The following DRC8 variants were observed in gnomAD, a reference collection of about 807,000 sequenced individuals.
DRC8 encodes the protein dynein regulatory complex subunit 8.
At chr1:245,046,966 C>T in the DRC8 span, among the ~76,000 whole-genome samples, 11 of 152,212 alleles carry the variant, frequency 7.2e-5, no homozygotes, top group African/African-American at 1.9e-4. Flanking sequence ...GCCGCTGCTC[C>T]GTTTTAGAGG....
the DRC8 span, among the ~76,000 whole-genome samples, chr1:245,016,842 A>G: frequency 1.7e-3 from 263 of 152,306 alleles, 10 homozygotes; most frequent in Admixed American, 0.017. Flanking sequence ...GTTGATAAGC[A>G]AACAGTATCT....
At chr1:245,074,966 A>G in the DRC8 span, among the ~76,000 whole-genome samples, 2 of 152,138 alleles carry the variant, frequency 1.3e-5, no homozygotes, top group Admixed American at 1.3e-4. Flanking sequence ...TCACATGTGT[A>G]TCTGATTTGG....
chr1:245,118,880 A>G, the DRC8 span, among the ~76,000 whole-genome samples: 1 of 152,004 alleles, frequency 6.6e-6, no homozygotes, highest in Non-Finnish European at 1.5e-5. Context: ...TTTGATTTCC[A>G]GAAGACATTA....
At chr1:245,074,885 A>G in the DRC8 span, among the ~76,000 whole-genome samples, 1 of 152,214 alleles carries the variant, frequency 6.6e-6, no homozygotes, top group Non-Finnish European at 1.5e-5. Flanking sequence ...ATTTGTATCT[A>G]TACTATTTAG....
the DRC8 span, among the ~76,000 whole-genome samples, chr1:245,074,289 G>A: frequency 3.3e-5 from 5 of 152,310 alleles, no homozygotes; most frequent in South Asian, 1.0e-3. Flanking sequence ...TTTGGTCTGA[G>A]TGGGGTTGAA....
the DRC8 span, among the ~76,000 whole-genome samples, chr1:244,979,416 A>G: frequency 2.2e-5 from 3 of 133,342 alleles, no homozygotes; most frequent in Non-Finnish European, 4.6e-5. Context: ...AGCGATTCTT[A>G]TGTCTCAGCC....
At chr1:244,997,036 T>C in the DRC8 span, among the ~76,000 whole-genome samples, 2 of 152,328 alleles carry the variant, frequency 1.3e-5, no homozygotes, top group Admixed American at 1.3e-4. Flanking sequence ...ATGTAAATGC[T>C]GTATAAATAG....
At chr1:245,075,920 G>A in the DRC8 span, among the ~76,000 whole-genome samples, 2 of 152,180 alleles carry the variant, frequency 1.3e-5, no homozygotes, top group African/African-American at 4.8e-5. Context: ...TCAGTCCAAA[G>A]AGGCCATGTG....
the DRC8 span, among the ~76,000 whole-genome samples, chr1:245,017,898 A>G: frequency 6.6e-6 from 1 of 152,164 alleles, no homozygotes. Context: ...TTAGACGCTA[A>G]TAAGAATTGT....
the DRC8 span, among the ~76,000 whole-genome samples, chr1:245,084,245 C>A: frequency 6.6e-6 from 1 of 151,910 alleles, no homozygotes; most frequent in African/African-American, 2.4e-5. Flanking sequence ...CTGCGCCCAG[C>A]TAATTTTTTG....
chr1:245,086,534 C>G, the DRC8 span, among the ~76,000 whole-genome samples: 14 of 152,188 alleles, frequency 9.2e-5, 1 homozygote, highest in Non-Finnish European at 1.5e-5. Flanking sequence ...ATAAATCACA[C>G]TGAATCAAGT....
chr1:244,972,812 T>C, the DRC8 span, among the ~76,000 whole-genome samples: 1 of 145,500 alleles, frequency 6.9e-6, no homozygotes, highest in Middle Eastern at 3.3e-3. Context: ...TAAGACTCCG[T>C]CTCAAAAAAA....
chr1:245,108,894 G>A, the DRC8 span, among the ~76,000 whole-genome samples: 1 of 152,112 alleles, frequency 6.6e-6, no homozygotes. Context: ...GCTTTTAGAA[G>A]TATTTTTCTA....
At chr1:245,059,470 GA>G in the DRC8 span, 1 of 1,607,918 alleles carries the variant, frequency 6.2e-7, no homozygotes, top group South Asian at 1.1e-5. Flanking sequence ...TGAGTACGGC[GA>G]AAAGGTTTCA....
the DRC8 span, among the ~76,000 whole-genome samples, chr1:244,979,928 G>C: frequency 6.6e-6 from 1 of 150,924 alleles, no homozygotes; most frequent in Non-Finnish European, 1.5e-5. Flanking sequence ...AACAAGGCCG[G>C]GTGCAGTGGC....
At chr1:245,020,613 CTTTTTT>C in the DRC8 span, among the ~76,000 whole-genome samples, 4 of 59,704 alleles carry the variant, frequency 6.7e-5, no homozygotes, top group African/African-American at 1.9e-4. Flanking sequence ...GTTTTTCTTT[CTTTTTT>C]TTTTTTTTTT....
the DRC8 span, among the ~76,000 whole-genome samples, chr1:244,974,763 C>G: frequency 0.092 from 13,903 of 151,858 alleles, 795 homozygotes; most frequent in East Asian, 0.24. Flanking sequence ...GGTGCCATCA[C>G]GGCTCACTAC....
chr1:245,099,488 C>T, the DRC8 span, among the ~76,000 whole-genome samples: 1 of 152,222 alleles, frequency 6.6e-6, no homozygotes, highest in Non-Finnish European at 1.5e-5. Flanking sequence ...CAGCCCCGCC[C>T]TGCCCCGACA....
chr1:244,987,546 A>G, the DRC8 span, among the ~76,000 whole-genome samples: 1 of 151,720 alleles, frequency 6.6e-6, no homozygotes, highest in East Asian at 1.9e-4. Context: ...TTGTCTTTGG[A>G]TCAAGTTGTT....
Sources: gnomAD v4.1 joint callset for allele counts (sites outside exome capture counted in the v4.1 genomes callset) on GRCh38, gnomAD v4.1.1 for gene constraint, MANE v1.5 for transcripts, NCBI Gene and HGNC (gene_info 2026-07-23, HGNC 2026-07-21) for gene names.